Variants in MC2R observed in about 807,000 individuals in gnomAD.
The protein encoded by MC2R is adrenocorticotropic hormone receptor.
Under a neutral mutation model 9.8 loss-of-function variants are expected in MC2R, and 9 were observed. That is an observed-to-expected ratio of 0.92 (90% CI 0.55 to 1.60). The LOEUF (loss-of-function observed/expected upper bound fraction) is 1.60, where lower values mean the gene tolerates loss of function less well. Among genes scored for constraint, MC2R ranks in the 40% most tolerant of loss-of-function variants. The pLI is 0.00. For synonymous variants in MC2R, 185 were observed against 154.7 expected, an observed-to-expected ratio of 1.20 and a Z score of -1.45; for missense variants, 370 against 389.0, an observed-to-expected ratio of 0.95 and a Z score of 0.41.
intron 1 of MC2R, among the ~76,000 whole-genome samples, chr18:13,908,446 G>C (rs1444515149): frequency 6.6e-6 from 1 of 152,158 alleles, no homozygotes; most frequent in Non-Finnish European, 1.5e-5. Context: ...ATAAGAGCTA[G>C]TGTTTAATAA....
At chr18:13,900,785 A>C (rs908446001) in intron 1 of MC2R, among the ~76,000 whole-genome samples, 1 of 152,148 alleles carries the variant, frequency 6.6e-6, no homozygotes, top group Non-Finnish European at 1.5e-5. Context: ...GACAGGCCCC[A>C]ATACAATAAT....
At chr18:13,889,722 A>T (rs1489867809) in intron 1 of MC2R, among the ~76,000 whole-genome samples, 2 of 152,192 alleles carry the variant, frequency 1.3e-5, no homozygotes, top group Admixed American at 6.5e-5. Context: ...TATTTTTTAA[A>T]GGCTCCAAGG....
At chr18:13,898,079 C>T (rs138044721) in intron 1 of MC2R, among the ~76,000 whole-genome samples, 7 of 151,900 alleles carry the variant, frequency 4.6e-5, no homozygotes, top group South Asian at 4.2e-4. Flanking sequence ...TCTTGGGGTC[C>T]CCGATTCTAG....
intron 1 of MC2R, among the ~76,000 whole-genome samples, chr18:13,912,109 G>A (rs2149144521): frequency 1.3e-5 from 2 of 152,262 alleles, no homozygotes; most frequent in South Asian, 4.2e-4. Context: ...TACTCAACCA[G>A]GTAAAACAGC....
At chr18:13,909,189 C>T (rs1331206295) in intron 1 of MC2R, among the ~76,000 whole-genome samples, 2 of 152,176 alleles carry the variant, frequency 1.3e-5, no homozygotes, top group Non-Finnish European at 2.9e-5. Context: ...ACTGCTCAAA[C>T]ATTTTGTAGA....
chr18:13,908,309 G>C (rs2045425222), intron 1 of MC2R, among the ~76,000 whole-genome samples: 1 of 152,146 alleles, frequency 6.6e-6, no homozygotes, highest in African/African-American at 2.4e-5. Context: ...ACTCACATGT[G>C]GGAGCTAAAA....
chr18:13,907,813 A>G (rs12454765), intron 1 of MC2R, among the ~76,000 whole-genome samples: 4,694 of 152,322 alleles, frequency 0.031, 197 homozygotes, highest in East Asian at 0.18. Flanking sequence ...AGAAATGAAA[A>G]TCAAAGCTAC....
At position 13,904,662 on chromosome 18, in the gene MC2R, AC is replaced by A. The variant is rs76227200; in HGVS notation, c.-129+10825del. Among the ~76,000 whole-genome samples the A allele has an allele frequency of 2.0e-3, 287 of 145,890 alleles. 1 individual carries two copies. The highest frequency in any genetic ancestry group is 6.3e-3 in the African/African-American group (250 of 39,836). On this transcript the variant is annotated intron_variant, in intron 1 of 1. Coordinates refer to ENST00000327606, the MANE Select transcript of MC2R (RefSeq NM_000529.2). ...AACAGGTACAGTAACCAAAACAGTAACCAAAACGGTACCATGGTACTGGTAC... is the reference window on the plus strand; with the variant it reads ...AACAGGTACAGTAACCAAAACAGTAACAAAACGGTACCATGGTACTGGTAC...
rs1307747266 is a variant in MC2R, at chr18:13,882,663, T to G, written c.*1962A>C. On this transcript the variant is annotated 3_prime_UTR_variant, in exon 2 of 2. Transcript: ENST00000327606. The stretch of plus-strand genomic sequence containing the variant: ...ATTTATGATACAGGTTAAGTGGCAT[T>G]GCTTACCTCTGTGGTATCACAGAGC... 2.6e-5 allele frequency: 4 copies of G among 152,206 alleles called. No homozygotes were observed. The highest frequency in any genetic ancestry group is 9.7e-5 in the African/African-American group (4 of 41,448). The allele number at this position is 152,206 out of a possible 1,614,324, so 9.4% of individuals were successfully genotyped here. A position where few individuals can be genotyped will look rare whatever the true frequency, so the allele number is the denominator to read the frequency against.
At chr18:13,888,040 T>A (rs1295806054) in intron 1 of MC2R, among the ~76,000 whole-genome samples, 1 of 152,144 alleles carries the variant, frequency 6.6e-6, no homozygotes, top group African/African-American at 2.4e-5. Flanking sequence ...TACTCCCATC[T>A]CATGAGTCCA....
chr18:13,898,810 T>TA (rs2149139796), intron 1 of MC2R, among the ~76,000 whole-genome samples: 1 of 152,344 alleles, frequency 6.6e-6, no homozygotes, highest in East Asian at 1.9e-4. Flanking sequence ...ACCACAGTGT[T>TA]ACTGGGCTTG....
intron 1 of MC2R, among the ~76,000 whole-genome samples, chr18:13,903,685 G>T (rs972060251): frequency 7.9e-5 from 12 of 152,200 alleles, no homozygotes; most frequent in African/African-American, 2.9e-4. Flanking sequence ...GAAAGTTAGT[G>T]TATGTGTGGG....
rs1256103643 is a variant in MC2R, at chr18:13,884,752, G to A, written c.767C>T (p.Ser256Phe). The A allele has an allele frequency of 6.8e-6, 11 of 1,614,124 alleles. No homozygotes were observed. The highest frequency in any genetic ancestry group is 8.5e-6 in the Non-Finnish European group (10 of 1,180,026). Reference protein sequence around the residue: ...PSNPYCACYMSLFQVNGMLIM... With the variant: ...PSNPYCACYMFLFQVNGMLIM... ...CAACATGCCGTTCACCTGGAAGAGA[G>A]ACATGTAGCAGGCGCAGTAGGGGTT... The change falls in exon 2 of 2, where the codon TCT becomes TTT. Residue 256 changes from serine (S) to phenylalanine (F), a missense_variant. Physicochemically the swap from Ser to Phe is radical, Grantham distance 155. Coordinates refer to ENST00000327606, the MANE Select transcript of MC2R (RefSeq NM_000529.2).
intron 1 of MC2R, among the ~76,000 whole-genome samples, chr18:13,914,356 C>T (rs16941314): frequency 0.033 from 5,026 of 152,212 alleles, 213 homozygotes; most frequent in South Asian, 0.17. Context: ...CTGTCCTCAG[C>T]GCCGGGGCTC....
Position 13,884,764 on chromosome 18 carries a change from G to A in MC2R, c.755C>T (p.Ala252Val). The change falls in exon 2 of 2, where the codon GCC becomes GTC. Residue 252 changes from alanine (A) to valine (V), a missense_variant. Ala to Val is a moderately conservative substitution (Grantham distance 64). Coordinates refer to ENST00000327606, the MANE Select transcript of MC2R (RefSeq NM_000529.2). ...CACCTGGAAGAGAGACATGTAGCAG[G>A]CGCAGTAGGGGTTACTTGGGCAGAA... Reference protein sequence around the residue: ...MTFCPSNPYCACYMSLFQVNG... With the variant: ...MTFCPSNPYCVCYMSLFQVNG... 3 of 1,614,038 alleles carry A rather than the reference G, an allele frequency of 1.9e-6. No individual in the cohort carries two copies. The highest frequency in any genetic ancestry group is 2.5e-6 in the Non-Finnish European group (3 of 1,180,006).
At chr18:13,889,540 C>T (rs1038866869) in intron 1 of MC2R, among the ~76,000 whole-genome samples, 4 of 152,068 alleles carry the variant, frequency 2.6e-5, no homozygotes, top group African/African-American at 7.2e-5. Flanking sequence ...CACAAATCAT[C>T]GAGTTAACAG....
rs1211215000 is a variant in MC2R, at chr18:13,884,838, G to C, written c.681C>G (p.Val227=). The C allele has an allele frequency of 6.2e-7, 1 of 1,614,048 alleles. No individual in the cohort carries two copies. The highest frequency in any genetic ancestry group is 1.1e-5 in the South Asian group (1 of 91,076). The stretch of plus-strand genomic sequence containing the variant: ...CAAAGGGGGCCCAGCAGAAGATGAA[G>C]ACCCCGAGCAGGATGGTCAGTGTGA... ...GAITLTILLG[V]FIFCWAPFVL... Residue 227 remains valine, a synonymous_variant, in exon 2 of 2, where the codon GTC becomes GTG. Transcript: ENST00000327606.
At position 13,885,664 on chromosome 18, in the gene MC2R, G is replaced by T; in HGVS notation, c.-128-18C>A. 1 of 871,906 alleles carries T rather than the reference G, an allele frequency of 1.1e-6. No homozygotes were observed. The highest frequency in any genetic ancestry group is 1.8e-6 in the Non-Finnish European group (1 of 556,076). 54.0% of individuals were successfully genotyped at this position (871,906 alleles called of 1,614,324 possible). ...CCAATCACCTAAAAGGGAGTATACA[G>T]AAATATTAGTTGCAAAGTACACTAG... On this transcript the variant is annotated intron_variant, in intron 1 of 1. Coordinates refer to ENST00000327606, the MANE Select transcript of MC2R (RefSeq NM_000529.2).
At chr18:13,911,538 A>G (rs1351958719) in intron 1 of MC2R, among the ~76,000 whole-genome samples, 1 of 152,164 alleles carries the variant, frequency 6.6e-6, no homozygotes, top group Non-Finnish European at 1.5e-5. Context: ...TGCCTGGAAG[A>G]CTTCTCTGCC....
Sources: allele counts gnomAD v4.1 joint callset (sites outside exome capture counted in the v4.1 genomes callset), GRCh38; gene constraint gnomAD v4.1.1; transcripts MANE v1.5; gene names NCBI Gene and HGNC (gene_info 2026-07-23, HGNC 2026-07-21).